ZNF829: variants seen among roughly 807,000 people sequenced by gnomAD.
ZNF829 encodes zinc finger protein 829.
Under a neutral mutation model 35.2 loss-of-function variants are expected in ZNF829, and 25 were observed. The observed-to-expected ratio is 0.71, with a 90% CI of 0.52 to 0.99. The LOEUF (loss-of-function observed/expected upper bound fraction) is 0.99, where lower values mean the gene tolerates loss of function less well. Ranked by LOEUF, ZNF829 falls within the 50% of genes least tolerant of loss-of-function variation. ZNF829 has a pLI of 0.00. For missense variants in ZNF829, 417 were observed against 515.3 expected (o/e 0.81, Z 1.85); for synonymous variants, 136 against 163.2 (o/e 0.83, Z 1.27).
chr19:36,908,817 A>G (rs1169071682), intron 3 of ZNF829, among the ~76,000 whole-genome samples: 1 of 152,242 alleles, frequency 6.6e-6, no homozygotes, highest in Non-Finnish European at 1.5e-5. Context: ...GAAAACACAG[A>G]TCACATAAGT....
At chr19:36,908,899 TTAA>T (rs2073240922) in intron 3 of ZNF829, among the ~76,000 whole-genome samples, 3 of 152,140 alleles carry the variant, frequency 2.0e-5, no homozygotes, top group Admixed American at 2.0e-4. Flanking sequence ...AGCAATTCCT[TTAA>T]TATTATAAAG....
intron 5 of ZNF829, among the ~76,000 whole-genome samples, chr19:36,899,859 A>G (rs1280270050): frequency 6.6e-6 from 1 of 151,938 alleles, no homozygotes. Flanking sequence ...ATCATGTTGT[A>G]CACCTAGAAT....
chr19:36,900,494 C>G (rs915105506), intron 5 of ZNF829, among the ~76,000 whole-genome samples: 9 of 151,740 alleles, frequency 5.9e-5, no homozygotes, highest in Non-Finnish European at 1.0e-4. Flanking sequence ...CTCATGTAAC[C>G]CATAAATATA....
At chr19:36,895,857 ATAT>A (rs199881298) in intron 5 of ZNF829, among the ~76,000 whole-genome samples, 2,279 of 152,302 alleles carry the variant, frequency 0.015, 17 homozygotes, top group African/African-American at 0.029. Flanking sequence ...ATATAAGCAA[ATAT>A]TATTAGATCT....
Position 36,888,727 on chromosome 19 carries a change from T to A in ZNF829, c.*2765A>T, listed in dbSNP as rs1163022484. 6.6e-6 allele frequency: 1 copy of A among 152,116 alleles called. No homozygotes were observed. Among genetic ancestry groups the A allele is most frequent in the Non-Finnish European group, 1.5e-5 (1 of 68,050 alleles). 9.4% of individuals were successfully genotyped at this position (152,116 alleles called of 1,614,324 possible). On this transcript the variant is annotated 3_prime_UTR_variant, in exon 6 of 6. Coordinates refer to ENST00000391711, the MANE Select transcript of ZNF829 (RefSeq NM_001037232.4). ...TTTTTTTTTGAGATGGAGTCTGGCTTTGTTGCTCCCCCGGCTGGAGTGCAA... is the reference window on the plus strand; with the variant it reads ...TTTTTTTTTGAGATGGAGTCTGGCTATGTTGCTCCCCCGGCTGGAGTGCAA...
intron 5 of ZNF829, among the ~76,000 whole-genome samples, chr19:36,904,588 C>T (rs368450914): frequency 1.5e-4 from 23 of 151,882 alleles, no homozygotes; most frequent in South Asian, 2.1e-4. Context: ...TTAGTAGAGA[C>T]GGGGTTTTGC....
chr19:36,893,316 A>C (rs939224995), intron 5 of ZNF829, among the ~76,000 whole-genome samples: 3 of 152,192 alleles, frequency 2.0e-5, no homozygotes, highest in Admixed American at 2.0e-4. Context: ...TGTGATGTTG[A>C]CCTTGGGAGA....
intron 5 of ZNF829, 93 bp from the exon 6 acceptor site, chr19:36,892,564 T>G (rs2073068456): frequency 1.5e-6 from 2 of 1,313,244 alleles, no homozygotes; most frequent in African/African-American, 1.5e-5. Flanking sequence ...GAAAAGAATA[T>G]CTGAGAAATT....
rs551667090 is a variant in ZNF829 at position 36,892,168 on chromosome 19, C to T, written c.623G>A (p.Gly208Asp). ...TTCCTTACATTCATAGGGTTTTTTA[C>T]CAGTGTGAATCCTCTGATGTCGAGT... ...LVTRHQRIHT[G>D]KKPYECKECG... Residue 208 changes from glycine to aspartate, a missense_variant, in exon 6 of 6, where the codon GGT (glycine) becomes GAT (aspartate). Physicochemically the swap from Gly to Asp is moderately conservative, Grantham distance 94. Transcript: ENST00000391711. The T allele has an allele frequency of 1.5e-5, 25 of 1,614,094 alleles. No individual in the cohort carries two copies. Among genetic ancestry groups the T allele is most frequent in the Non-Finnish European group, 1.4e-5 (16 of 1,180,016 alleles).
chr19:36,906,302 T>A (rs1047834802), intron 5 of ZNF829: 1 of 152,168 alleles, frequency 6.6e-6, no homozygotes, highest in East Asian at 1.9e-4. Context: ...AGGTATAAAG[T>A]GGTGGGAGAT....
chr19:36,915,759 G>T, intron 1 of ZNF829: 1 of 1,157,414 alleles, frequency 8.6e-7, no homozygotes. Context: ...ACCATGCCTA[G>T]CTAATTTTTG....
chr19:36,900,426 T>C (rs1240286585), intron 5 of ZNF829, among the ~76,000 whole-genome samples: 3 of 151,918 alleles, frequency 2.0e-5, no homozygotes, highest in South Asian at 4.2e-4. Context: ...GGATAAATGC[T>C]TCAGGTGATA....
chr19:36,908,493 A>T, intron 3 of ZNF829, 34 bp from the exon 4 acceptor site: 1 of 1,570,982 alleles, frequency 6.4e-7, no homozygotes, highest in African/African-American at 1.4e-5. Context: ...CAATGAAAGG[A>T]GAAAAGAAAA....
chr19:36,897,758 G>A (rs1039988139), intron 5 of ZNF829, among the ~76,000 whole-genome samples: 4 of 152,180 alleles, frequency 2.6e-5, no homozygotes, highest in African/African-American at 9.7e-5. Flanking sequence ...AAGTCACACT[G>A]TCCCTTTACA....
chr19:36,892,929 C>T, intron 5 of ZNF829: 1 of 928,600 alleles, frequency 1.1e-6, no homozygotes, highest in Non-Finnish European at 1.4e-6. Context: ...AGCTGGAGGG[C>T]CATGGAGGAG....
chr19:36,895,213 C>T (rs1236079994), intron 5 of ZNF829, among the ~76,000 whole-genome samples: 1 of 152,094 alleles, frequency 6.6e-6, no homozygotes, highest in African/African-American at 2.4e-5. Context: ...AATACTGTAC[C>T]TAGCAAAGCC....
At chr19:36,907,754 A>G in intron 5 of ZNF829, 175 bp downstream of exon 5, 1 of 531,100 alleles carries the variant, frequency 1.9e-6, no homozygotes, top group South Asian at 2.4e-5. Context: ...TTATAGCATA[A>G]TTGTAGCCAG....
Position 36,915,998 on chromosome 19 carries a change from C to A in ZNF829, c.-85+13G>T. 1 of 1,403,048 alleles carries A rather than the reference C, an allele frequency of 7.1e-7. No individual in the cohort carries two copies. Among genetic ancestry groups the A allele is most frequent in the South Asian group, 1.3e-5 (1 of 76,836 alleles). 86.9% of individuals were successfully genotyped at this position (1,403,048 alleles called of 1,614,324 possible). A position where few individuals can be genotyped will look rare whatever the true frequency, so the allele number is the denominator to read the frequency against. Reference sequence around the variant, plus strand: ...GACCTGAGCCAGTTCTCCTGGGGACCAAAATATCTCACCTCCCAGATCTAA... The same window carrying A: ...GACCTGAGCCAGTTCTCCTGGGGACAAAAATATCTCACCTCCCAGATCTAA... On this transcript the variant is annotated intron_variant, in intron 1 of 5. Transcript: ENST00000391711.
At chr19:36,894,010 C>A (rs1315622371) in intron 5 of ZNF829, among the ~76,000 whole-genome samples, 4 of 152,218 alleles carry the variant, frequency 2.6e-5, no homozygotes, top group Non-Finnish European at 4.4e-5. Context: ...AAGCCCCAGT[C>A]CTTCAAGCAC....
Sources: gnomAD v4.1 joint callset for allele counts (sites outside exome capture counted in the v4.1 genomes callset) on GRCh38, gnomAD v4.1.1 for gene constraint, MANE v1.5 for transcripts, NCBI Gene and HGNC (gene_info 2026-07-23, HGNC 2026-07-21) for gene names.